SP100: variants seen among roughly 807,000 people sequenced by gnomAD.
The protein encoded by SP100 is nuclear autoantigen Sp-100.
In SP100, 84 loss-of-function variants were observed where a neutral mutation model predicts 130.0. The observed-to-expected ratio is 0.65, with a 90% CI of 0.54 to 0.77. The LOEUF is 0.77. Among genes scored for constraint, SP100 ranks in the 30% least tolerant of loss-of-function variants. SP100 has a pLI of 0.00. For synonymous variants in SP100, 331 were observed against 351.7 expected (o/e 0.94, Z 0.66); for missense variants, 978 against 1,052.2 (o/e 0.93, Z 0.97).
chr2:230,513,609 G>A (rs575748195), intron 24 of SP100, among the ~76,000 whole-genome samples: 1 of 152,146 alleles, frequency 6.6e-6, no homozygotes, highest in Admixed American at 6.5e-5. Flanking sequence ...TCAATGGGAA[G>A]GCTTATTCCA....
chr2:230,470,973 T>C (rs2065237905), intron 15 of SP100, among the ~76,000 whole-genome samples: 1 of 152,122 alleles, frequency 6.6e-6, no homozygotes, highest in Admixed American at 6.5e-5. Context: ...CACATATGTG[T>C]GTGTATATAT....
chr2:230,494,525 C>G, intron 18 of SP100, 65 bp downstream of exon 18: 1 of 1,234,972 alleles, frequency 8.1e-7, no homozygotes, highest in Non-Finnish European at 1.2e-6. Flanking sequence ...CTGCCAGACC[C>G]CATCTTTGCT....
chr2:230,425,552 A>G (rs1026505038), intron 2 of SP100, among the ~76,000 whole-genome samples: 5 of 149,036 alleles, frequency 3.4e-5, no homozygotes, highest in African/African-American at 1.2e-4. Context: ...ACGTTGCACA[A>G]CACCATTATT....
At chr2:230,461,729 G>A (rs1000540878) in intron 9 of SP100, among the ~76,000 whole-genome samples, 1 of 152,010 alleles carries the variant, frequency 6.6e-6, no homozygotes, top group Admixed American at 6.6e-5. Context: ...CAGGGGGATC[G>A]CTTGAGTCCA....
chr2:230,488,598 A>C (rs2066238776), intron 17 of SP100, among the ~76,000 whole-genome samples: 1 of 152,094 alleles, frequency 6.6e-6, no homozygotes, highest in African/African-American at 2.4e-5. Context: ...CATTTTTAGT[A>C]GAGATGGGGT....
At chr2:230,473,492 A>G in intron 16 of SP100, 52 bp downstream of exon 16, 1 of 1,089,508 alleles carries the variant, frequency 9.2e-7, no homozygotes, top group Non-Finnish European at 1.4e-6. Flanking sequence ...GATATCACAG[A>G]CACTGGGTAG....
At chr2:230,430,678 A>T (rs1034607146) in intron 2 of SP100, among the ~76,000 whole-genome samples, 1 of 152,226 alleles carries the variant, frequency 6.6e-6, no homozygotes, top group South Asian at 2.1e-4. Flanking sequence ...TACGTTCTAC[A>T]TTTGGACAGG....
chr2:230,515,899 G>C, intron 24 of SP100: 1 of 1,200,908 alleles, frequency 8.3e-7, no homozygotes, highest in Non-Finnish European at 1.0e-6. Flanking sequence ...GCAGGTTCTT[G>C]TTAGTGCACA....
intron 24 of SP100, among the ~76,000 whole-genome samples, chr2:230,536,663 G>T (rs1349721404): frequency 6.6e-6 from 1 of 152,046 alleles, no homozygotes; most frequent in Non-Finnish European, 1.5e-5. Context: ...ATACATTTCT[G>T]CTATATAAAC....
At position 230,544,180 on chromosome 2, in the gene SP100, A is replaced by G. The variant is rs1692257242; in HGVS notation, c.*1234A>G. On this transcript the variant is annotated 3_prime_UTR_variant, in exon 29 of 29. Transcript: ENST00000340126. ...AAGACTTAATGTAAAATCAAAAACT[A>G]TGAAGACTCTGGAAGACAACCTAGG... The G allele has an allele frequency of 6.6e-6, 1 of 152,156 alleles. No individual in the cohort carries two copies. The highest frequency in any genetic ancestry group is 1.5e-5 in the Non-Finnish European group (1 of 68,006). The allele number at this position is 152,156 out of a possible 1,614,324, so 9.4% of individuals were successfully genotyped here. A position where few individuals can be genotyped will look rare whatever the true frequency, so the allele number is the denominator to read the frequency against.
intron 4 of SP100, 95 bp downstream of exon 4, chr2:230,444,441 G>A: frequency 1.0e-6 from 1 of 986,872 alleles, no homozygotes; most frequent in South Asian, 1.5e-5. Context: ...TGTTGTGTTG[G>A]GCAGTGGGCA....
intron 8 of SP100, 131 bp downstream of exon 8, chr2:230,450,386 G>A (rs987016930): frequency 3.1e-6 from 2 of 637,034 alleles, no homozygotes; most frequent in Non-Finnish European, 5.6e-6. Context: ...AAAGCTGGAT[G>A]TATTTATCAT....
chr2:230,503,467 T>C (rs192803750), intron 20 of SP100, among the ~76,000 whole-genome samples: 2 of 152,254 alleles, frequency 1.3e-5, no homozygotes, highest in African/African-American at 4.8e-5. Context: ...TTTACCTTTT[T>C]TGATGCCAGG....
At position 230,543,471 on chromosome 2, in the gene SP100, A is replaced by G. The variant is rs1692243573; in HGVS notation, c.*525A>G. ...CAATTTCAGAGATGTTTCAGAATACAAAATTAGTATATGAAAATTACTAGT... is the reference window on the plus strand; with the variant it reads ...CAATTTCAGAGATGTTTCAGAATACGAAATTAGTATATGAAAATTACTAGT... On this transcript the variant is annotated 3_prime_UTR_variant, in exon 29 of 29. Transcript: ENST00000340126. 6.6e-6 allele frequency: 1 copy of G among 152,260 alleles called. No individual in the cohort carries two copies. Among genetic ancestry groups the G allele is most frequent in the African/African-American group, 2.4e-5 (1 of 41,462 alleles). 9.4% of individuals were successfully genotyped at this position (152,260 alleles called of 1,614,324 possible).
intron 17 of SP100, among the ~76,000 whole-genome samples, chr2:230,479,699 T>C (rs540072562): frequency 2.6e-5 from 4 of 152,154 alleles, no homozygotes; most frequent in Non-Finnish European, 4.4e-5. Flanking sequence ...CCCCAACCAA[T>C]AGTGTGGAAG....
At chr2:230,466,266 A>G (rs763036317) in intron 11 of SP100, 35 bp from the exon 12 acceptor site, 240 of 1,285,482 alleles carry the variant, frequency 1.9e-4, no homozygotes, top group Non-Finnish European at 2.5e-4. Context: ...AGTCTCTTGC[A>G]TACAAATAAC....
intron 8 of SP100, among the ~76,000 whole-genome samples, chr2:230,456,367 T>TGATTATAGTATG (rs1559498145): frequency 6.6e-6 from 1 of 152,222 alleles, no homozygotes; most frequent in Non-Finnish European, 1.5e-5. Context: ...CTTGACAGCT[T>TGATTATAGTATG]GATTATAGTA....
intron 24 of SP100, 137 bp from the exon 25 acceptor site, chr2:230,539,130 C>T (rs1315063017): frequency 3.6e-6 from 2 of 562,906 alleles, no homozygotes; most frequent in Non-Finnish European, 6.5e-6. Flanking sequence ...AAAATGTCTT[C>T]TGAGATCTCC....
In SP100 at chr2:230,503,876, G is replaced by A. The variant is rs144677240; in HGVS notation, c.1766-310G>A. On this transcript the variant is annotated intron_variant, in intron 20 of 28. Coordinates refer to ENST00000340126, the MANE Select transcript of SP100 (RefSeq NM_001080391.2). ...AACACAACATCAAAGCAATATGAGT[G>A]GAAATCTCCCTTCAAAACATCAGGA... is the stretch of plus-strand genomic sequence containing the variant. Among the ~76,000 whole-genome samples, 57 of 152,268 alleles carry A rather than the reference G, an allele frequency of 3.7e-4. No individual in the cohort carries two copies. In the East Asian group the frequency reaches 0.011, roughly 28 times the overall value.
Sources: allele counts gnomAD v4.1 joint callset (sites outside exome capture counted in the v4.1 genomes callset), GRCh38; gene constraint gnomAD v4.1.1; transcripts MANE v1.5; gene names NCBI Gene and HGNC (gene_info 2026-07-23, HGNC 2026-07-21).